WWOX: variants seen among roughly 807,000 people sequenced by gnomAD.
WWOX encodes the protein WW domain containing oxidoreductase.
A neutral mutation model predicts 46.2 loss-of-function variants in WWOX; 69 were observed. The ratio of observed to expected loss-of-function variants is 1.49; its 90% CI spans 1.23 to 1.82. WWOX has a LOEUF of 1.82. Among genes scored for constraint, WWOX ranks in the 40% most tolerant of loss-of-function variants. The pLI is 0.00. For missense variants in WWOX, 919 were observed against 542.6 expected (o/e 1.69, Z -6.89); for synonymous variants, 359 against 202.6 (o/e 1.77, Z -6.56).
At chr16:78,405,784 G>C (rs759148361) in intron 6 of WWOX, among the ~76,000 whole-genome samples, 3 of 152,064 alleles carry the variant, frequency 2.0e-5, no homozygotes, top group Non-Finnish European at 4.4e-5. Context: ...AACAAGGTGG[G>C]CATTATCATT....
intron 8 of WWOX, among the ~76,000 whole-genome samples, chr16:78,914,976 A>G (rs2045213041): frequency 6.6e-6 from 1 of 151,676 alleles, no homozygotes; most frequent in African/African-American, 2.4e-5. Context: ...AGTTAATTCC[A>G]GGGTCATGTA....
At chr16:78,790,127 A>AT (rs1246721810) in intron 8 of WWOX, among the ~76,000 whole-genome samples, 1 of 152,024 alleles carries the variant, frequency 6.6e-6, no homozygotes, top group East Asian at 1.9e-4. Context: ...CAGGATTATT[A>AT]TTTTTTTTAA....
At chr16:78,412,088 G>A (rs2082694476) in intron 6 of WWOX, among the ~76,000 whole-genome samples, 1 of 152,160 alleles carries the variant, frequency 6.6e-6, no homozygotes, top group South Asian at 2.1e-4. Flanking sequence ...TGCTCCAGAG[G>A]TAGTGCCTAC....
At chr16:79,005,498 C>G (rs1288030752) in intron 8 of WWOX, among the ~76,000 whole-genome samples, 1 of 152,154 alleles carries the variant, frequency 6.6e-6, no homozygotes, top group Non-Finnish European at 1.5e-5. Flanking sequence ...TTCGGCAAGG[C>G]CATCCTCTCT....
At chr16:79,151,141 A>T (rs545544656) in intron 8 of WWOX, among the ~76,000 whole-genome samples, 1 of 152,332 alleles carries the variant, frequency 6.6e-6, no homozygotes, top group East Asian at 1.9e-4. Flanking sequence ...TCCCCAGAAA[A>T]TTCCCCTCCT....
chr16:78,133,083 A>T (rs2033659400), intron 4 of WWOX, among the ~76,000 whole-genome samples: 1 of 152,186 alleles, frequency 6.6e-6, no homozygotes, highest in Non-Finnish European at 1.5e-5. Flanking sequence ...CCAAATTAAG[A>T]TCTCACCATC....
At chr16:78,269,674 C>T (rs2079436506) in intron 5 of WWOX, among the ~76,000 whole-genome samples, 1 of 152,178 alleles carries the variant, frequency 6.6e-6, no homozygotes, top group Non-Finnish European at 1.5e-5. Flanking sequence ...TCAATTTGCT[C>T]CTCTAATTTA....
Position 78,510,241 on chromosome 16 carries a change from G to C in WWOX, c.1056+77489G>C, listed in dbSNP as rs7193295. 2.0e-3 allele frequency among the ~76,000 whole-genome samples: 304 copies of C among 152,232 alleles called. 3 individuals carry two copies. The highest frequency in any genetic ancestry group is 6.7e-3 in the African/African-American group (279 of 41,524). ...CTTCTTTTTTTGGAGATGGAGTCTT[G>C]CTCTGTTGACCATGCTAGAGGTGGC... On this transcript the variant is annotated intron_variant, in intron 8 of 8. Transcript: ENST00000566780.
chr16:79,050,990 C>T (rs184657756), intron 8 of WWOX, among the ~76,000 whole-genome samples: 118 of 152,336 alleles, frequency 7.7e-4, no homozygotes, highest in African/African-American at 2.7e-3. Context: ...ACACAAGACA[C>T]TGACCCAAAT....
rs1306806245 is a variant in WWOX at position 78,107,548 on chromosome 16, T to C, written c.108-875T>C. Among the ~76,000 whole-genome samples, 5 of 152,192 alleles carry C rather than the reference T, an allele frequency of 3.3e-5. No homozygotes were observed. In the East Asian group the frequency reaches 9.6e-4, roughly 29 times the overall value. On this transcript the variant is annotated intron_variant, in intron 1 of 8. Transcript: ENST00000566780. ...ATGGAGATTAAGGAGTGGGGTCACTTGACCAAAGGTGCACAGCGCACAGCT... is the reference window on the plus strand; with the variant it reads ...ATGGAGATTAAGGAGTGGGGTCACTCGACCAAAGGTGCACAGCGCACAGCT...
chr16:79,105,991 C>T (rs2049300895), intron 8 of WWOX: 1 of 152,184 alleles, frequency 6.6e-6, no homozygotes, highest in Admixed American at 6.5e-5. Context: ...CTTTCTATGA[C>T]AGTAAATATT....
intron 8 of WWOX, among the ~76,000 whole-genome samples, chr16:78,812,065 T>C (rs2051203821): frequency 6.6e-6 from 1 of 152,098 alleles, no homozygotes; most frequent in African/African-American, 2.4e-5. Flanking sequence ...GTAAGATCTT[T>C]CTGAAAAGGA....
intron 8 of WWOX, among the ~76,000 whole-genome samples, chr16:78,995,611 C>G (rs773945630): frequency 3.3e-5 from 5 of 151,840 alleles, no homozygotes; most frequent in Non-Finnish European, 5.9e-5. Flanking sequence ...GAAAAAACTG[C>G]AAAACCGCAA....
intron 8 of WWOX, among the ~76,000 whole-genome samples, chr16:78,905,542 T>G (rs1165980981): frequency 2.0e-5 from 3 of 152,104 alleles, no homozygotes. Context: ...CCACCACACC[T>G]AGTTAATTTT....
chr16:78,937,772 A>C, intron 8 of WWOX, among the ~76,000 whole-genome samples: 1 of 151,778 alleles, frequency 6.6e-6, no homozygotes, highest in East Asian at 1.9e-4. Context: ...CTACAGGCAC[A>C]TGCCACCATG....
At chr16:78,538,814 A>G (rs2043820957) in intron 8 of WWOX, among the ~76,000 whole-genome samples, 1 of 152,196 alleles carries the variant, frequency 6.6e-6, no homozygotes, top group Non-Finnish European at 1.5e-5. Flanking sequence ...AAATGTATAA[A>G]ATATGTCACC....
chr16:78,111,134 C>G (rs989537778), intron 3 of WWOX, among the ~76,000 whole-genome samples: 1 of 152,004 alleles, frequency 6.6e-6, no homozygotes, highest in African/African-American at 2.4e-5. Context: ...CCAGTGTGGT[C>G]TTCCTTCCCC....
chr16:78,730,800 T>G (rs886310841), intron 8 of WWOX, among the ~76,000 whole-genome samples: 1 of 151,984 alleles, frequency 6.6e-6, no homozygotes, highest in African/African-American at 2.4e-5. Context: ...GTGACACAGT[T>G]TTCTCTTGTG....
At chr16:78,683,304 A>G (rs1413406190) in intron 8 of WWOX, among the ~76,000 whole-genome samples, 3 of 120,192 alleles carry the variant, frequency 2.5e-5, no homozygotes, top group South Asian at 2.9e-4. Context: ...TGAGCTCAGG[A>G]GGGCGGGTGG....
Sources: gnomAD v4.1 joint callset for allele counts (sites outside exome capture counted in the v4.1 genomes callset) on GRCh38, gnomAD v4.1.1 for gene constraint, MANE v1.5 for transcripts, NCBI Gene and HGNC (gene_info 2026-07-23, HGNC 2026-07-21) for gene names.